The following ST7 variants were observed in gnomAD, a reference collection of about 807,000 sequenced individuals.
The protein encoded by ST7 is suppression of tumorigenicity 7.
Under a neutral mutation model 78.7 loss-of-function variants are expected in ST7, and 28 were observed. That is an observed-to-expected ratio of 0.36 (90% CI 0.26 to 0.49). The LOEUF (loss-of-function observed/expected upper bound fraction) is 0.49. ST7 is among the 20% of genes least tolerant of loss of function. ST7 has a pLI of 0.99. For missense variants in ST7, 418 were observed against 696.0 expected, an observed-to-expected ratio of 0.60 and a Z score of 4.49; for synonymous variants, 247 against 249.6, an observed-to-expected ratio of 0.99 and a Z score of 0.10.
chr7:117,222,114 G>A (rs1793137217), intron 15 of ST7, 52 bp downstream of exon 15: 4 of 1,559,868 alleles, frequency 2.6e-6, no homozygotes, highest in Non-Finnish European at 3.4e-6. Context: ...GAAAGCCAAG[G>A]GCATAAAAGC....
At chr7:117,222,210 A>G (rs1257975761) in intron 15 of ST7, 148 bp downstream of exon 15, 3 of 903,150 alleles carry the variant, frequency 3.3e-6, no homozygotes, top group Non-Finnish European at 4.6e-6. Context: ...ATGATCGTCA[A>G]TGGAATCAAA....
chr7:117,223,942 GAA>G (rs1167323844), intron 15 of ST7: 2 of 974,826 alleles, frequency 2.1e-6, no homozygotes, highest in East Asian at 2.3e-4. Context: ...AGAATCAATG[GAA>G]AAATCAGATA....
chr7:117,193,483 A>G (rs1454478188), intron 12 of ST7, among the ~76,000 whole-genome samples: 1 of 152,204 alleles, frequency 6.6e-6, no homozygotes, highest in African/African-American at 2.4e-5. Flanking sequence ...GAGGGCACTG[A>G]CGGTTTGGAG....
chr7:117,160,152 G>A (rs1340157467), intron 9 of ST7, among the ~76,000 whole-genome samples: 8 of 149,266 alleles, frequency 5.4e-5, no homozygotes, highest in South Asian at 4.3e-4. Context: ...AGTATCACTT[G>A]AACCCAGGAG....
chr7:117,133,579 T>TA (rs1439803658), intron 6 of ST7, among the ~76,000 whole-genome samples: 2 of 151,824 alleles, frequency 1.3e-5, no homozygotes, highest in African/African-American at 2.4e-5. Context: ...CTTTTTTTTT[T>TA]ACTTATTTGC....
chr7:117,230,094 AT>A lies in ST7; in HGVS notation c.*239del. On this transcript the variant is annotated 3_prime_UTR_variant, in exon 16 of 16. Transcript: ENST00000323984. Reference sequence around the variant, plus strand: ...AAAGTCAAAAATAAAACTTTTGTGTATTACAGCAATCATTTGTATCCTCCTG... The same window carrying A: ...AAAGTCAAAAATAAAACTTTTGTGTATACAGCAATCATTTGTATCCTCCTG... 1.5e-6 allele frequency: 1 copy of A among 681,162 alleles called. No individual in the cohort carries two copies. The allele number at this position is 681,162 out of a possible 1,614,324, so 42.2% of individuals were successfully genotyped here. A position where few individuals can be genotyped will look rare whatever the true frequency, so the allele number is the denominator to read the frequency against.
Position 117,068,062 on chromosome 7 carries a change from C to A in ST7, c.152-31700C>A, listed in dbSNP as rs1798737095. 3.3e-5 allele frequency among the ~76,000 whole-genome samples: 5 copies of A among 152,158 alleles called. No homozygotes were observed. In the South Asian group the frequency reaches 1.0e-3, roughly 32 times the overall value. ...TTTAGATCTACACGGAAAGATTTGG[C>A]AGGTCTGATAATTTAGGCCTCTGGA... is the stretch of plus-strand genomic sequence containing the variant. On this transcript the variant is annotated intron_variant, in intron 1 of 15. Coordinates refer to ENST00000323984, the MANE Select transcript of ST7 (RefSeq NM_001369598.1).
chr7:117,083,081 C>T (rs1303205879), intron 1 of ST7, among the ~76,000 whole-genome samples: 3 of 151,882 alleles, frequency 2.0e-5, no homozygotes, highest in South Asian at 2.1e-4. Context: ...TATGTTGAGA[C>T]GGAGTTTTGC....
chr7:117,164,314 C>T (rs879857551), intron 9 of ST7, among the ~76,000 whole-genome samples: 11 of 131,680 alleles, frequency 8.4e-5, no homozygotes, highest in Non-Finnish European at 1.3e-4. Flanking sequence ...TAAAACTAGA[C>T]CCCCCCACCT....
intron 1 of ST7, among the ~76,000 whole-genome samples, chr7:117,043,529 A>G (rs1025379037): frequency 1.3e-5 from 2 of 152,222 alleles, no homozygotes; most frequent in Non-Finnish European, 2.9e-5. Flanking sequence ...CAACTGCCTC[A>G]TATTCCCAAG....
chr7:116,979,574 A>G (rs571864240), intron 1 of ST7, among the ~76,000 whole-genome samples: 2 of 152,098 alleles, frequency 1.3e-5, no homozygotes, highest in African/African-American at 4.8e-5. Context: ...TCTTTCCTTT[A>G]TATACGTTAA....
chr7:117,134,736 A>G (rs1196578925), intron 7 of ST7, among the ~76,000 whole-genome samples: 1 of 151,998 alleles, frequency 6.6e-6, no homozygotes, highest in Non-Finnish European at 1.5e-5. Flanking sequence ...CCAGTGAATC[A>G]CTTGTATAGT....
chr7:117,204,951 C>T (rs1026066774), intron 12 of ST7, among the ~76,000 whole-genome samples: 19 of 152,086 alleles, frequency 1.2e-4, no homozygotes, highest in African/African-American at 4.6e-4. Flanking sequence ...CCTTATAGTC[C>T]CAGTAACTTG....
rs372192783 is a variant in ST7 at position 117,097,822 on chromosome 7, C to CTATATATATA, written c.152-1928_152-1919dup. Among the ~76,000 whole-genome samples, 138 of 99,206 alleles carry CTATATATATA rather than the reference C, an allele frequency of 1.4e-3. 2 individuals carry two copies. The highest frequency in any genetic ancestry group is 5.1e-3 in the African/African-American group (130 of 25,574). The allele number at this position is 99,206 out of a possible 152,430, so 65.1% of individuals were successfully genotyped here. Reference sequence around the variant, plus strand: ...CTGTTGCATGGGAAATGACATATCACTATATATATATATATATATATGTAT... The same window carrying CTATATATATA: ...CTGTTGCATGGGAAATGACATATCACTATATATATATATATATATATATATATATATGTAT... On this transcript the variant is annotated intron_variant, in intron 1 of 15. Transcript: ENST00000323984.
At chr7:117,010,325 G>C (rs1795336936) in intron 1 of ST7, among the ~76,000 whole-genome samples, 2 of 152,222 alleles carry the variant, frequency 1.3e-5, no homozygotes, top group Admixed American at 1.3e-4. Context: ...TGGGAGTAGA[G>C]CCCAGTAATG....
At chr7:116,968,449 C>T (rs2116232125) in intron 1 of ST7, 4 of 452,048 alleles carry the variant, frequency 8.8e-6, no homozygotes, top group South Asian at 4.7e-5. Flanking sequence ...CTCAAGCAAT[C>T]CTTCTGCCTC....
chr7:117,055,793 A>C (rs984770336), intron 1 of ST7, among the ~76,000 whole-genome samples: 1 of 152,204 alleles, frequency 6.6e-6, no homozygotes, highest in African/African-American at 2.4e-5. Flanking sequence ...TTAATTAACC[A>C]GGTGTATTAG....
chr7:117,222,159 G>C, intron 15 of ST7, 97 bp downstream of exon 15: 1 of 1,362,624 alleles, frequency 7.3e-7, no homozygotes, highest in Non-Finnish European at 9.8e-7. Flanking sequence ...TACAGAAATG[G>C]GTACGAGCCT....
intron 10 of ST7, among the ~76,000 whole-genome samples, chr7:117,183,028 G>T (rs1398348814): frequency 1.3e-5 from 2 of 152,126 alleles, no homozygotes; most frequent in Non-Finnish European, 2.9e-5. Context: ...AATGATAAAA[G>T]GCAAGTAAAA....
Sources: allele counts gnomAD v4.1 joint callset (sites outside exome capture counted in the v4.1 genomes callset), GRCh38; gene constraint gnomAD v4.1.1; transcripts MANE v1.5; gene names NCBI Gene and HGNC (gene_info 2026-07-23, HGNC 2026-07-21).